The following PFAS variants were observed in gnomAD, a reference collection of about 807,000 sequenced individuals.
The protein encoded by PFAS is FGAM synthase.
A neutral mutation model predicts 140.6 loss-of-function variants in PFAS; 97 were observed. That is an observed-to-expected ratio of 0.69 (90% CI 0.59 to 0.82). The LOEUF (loss-of-function observed/expected upper bound fraction) is 0.82, where lower values mean the gene tolerates loss of function less well. Among genes scored for constraint, PFAS ranks in the 40% least tolerant of loss-of-function variants. PFAS has a pLI of 0.00. For missense variants in PFAS, 1,656 were observed against 1,780.2 expected (o/e 0.93, Z 1.26); for synonymous variants, 679 against 718.8 (o/e 0.94, Z 0.88).
Position 8,263,226 on chromosome 17 carries a change from C to T in PFAS, c.1528C>T (p.Pro510Ser), listed in dbSNP as rs1188281642. The T allele has an allele frequency of 2.5e-6, 4 of 1,613,994 alleles. No individual in the cohort carries two copies. The highest frequency in any genetic ancestry group is 3.4e-6 in the Non-Finnish European group (4 of 1,180,018). Reference sequence around the variant, plus strand: ...TTGTGTGGAGGCCCCCAAGGGAAACCCCATCTGCAGCCTTCATGATCAGGG... The same window carrying T: ...TTGTGTGGAGGCCCCCAAGGGAAACTCCATCTGCAGCCTTCATGATCAGGG... The part of the protein sequence containing the change: ...RACVEAPKGN[P>S]ICSLHDQGAG... Residue 510 changes from proline (P) to serine (S), a missense_variant, in exon 13 of 28, where the codon CCC (proline) becomes TCC (serine). Around this residue, in one of 2 missense-constraint regions of PFAS, gnomAD observed 773 missense variants for 757.3 expected, o/e 1.02. Transcript: ENST00000314666.
chr17:8,265,531 C>T (rs1473241488), intron 19 of PFAS, 25 bp from the exon 20 acceptor site: 12 of 1,613,466 alleles, frequency 7.4e-6, no homozygotes, highest in Non-Finnish European at 1.0e-5. Context: ...CAACTCATTC[C>T]TTTGGACTCC....
rs1989364288 is a variant in PFAS, at chr17:8,256,340, G to C, written c.754G>C (p.Glu252Gln). The C allele has an allele frequency of 1.9e-6, 3 of 1,614,066 alleles. No individual in the cohort carries two copies. The highest frequency in any genetic ancestry group is 2.5e-6 in the Non-Finnish European group (3 of 1,180,026). The change falls in exon 7 of 28, where the codon GAG becomes CAG. Residue 252 changes from glutamate (E) to glutamine (Q), a missense_variant. By Grantham distance (29) the Glu-to-Gln change is conservative. Around this residue, in one of 2 missense-constraint regions of PFAS, gnomAD observed 773 missense variants for 757.3 expected, o/e 1.02. Transcript: ENST00000314666. The part of the protein sequence containing the change: ...DGQKLVHSLF[E>Q]SIMSTQESSN... Reference sequence around the variant, plus strand: ...GCAGAAGCTGGTGCACTCACTGTTTGAGTCCATCATGAGCACCCAGGAATC... The same window carrying C: ...GCAGAAGCTGGTGCACTCACTGTTTCAGTCCATCATGAGCACCCAGGAATC...
intron 11 of PFAS, among the ~76,000 whole-genome samples, chr17:8,259,661 A>G (rs367738642): frequency 4.6e-5 from 7 of 152,036 alleles, no homozygotes; most frequent in Admixed American, 2.0e-4. Flanking sequence ...GGTGGTGTAC[A>G]CCTGTAGTCC....
rs1406035043 is a variant in PFAS at position 8,264,121 on chromosome 17, GGA to G, written c.1792-90_1792-89del. On this transcript the variant is annotated intron_variant, in intron 15 of 27. Coordinates refer to ENST00000314666, the MANE Select transcript of PFAS (RefSeq NM_012393.3). ...TCAATATGGAAACCAAACAAGGAGTGGAAAGCACATTTGTGCCCTGATTTCTA... is the reference window on the plus strand; with the variant it reads ...TCAATATGGAAACCAAACAAGGAGTGAAGCACATTTGTGCCCTGATTTCTA... 3 of 1,561,878 alleles carry G rather than the reference GGA, an allele frequency of 1.9e-6. No homozygotes were observed. The African/African-American group carries it at 4.1e-5, about 21-fold the overall frequency.
chr17:8,264,714 G>A lies in PFAS; in HGVS notation c.2049+113G>A, dbSNP rs371096045. 4.4e-4 allele frequency: 537 copies of A among 1,227,540 alleles called. 4 individuals carry two copies. The African/African-American group carries it at 6.4e-3, about 15-fold the overall frequency. The allele number at this position is 1,227,540 out of a possible 1,614,324, so 76.0% of individuals were successfully genotyped here. ...TTTTTGCCTGGCCCTGCAGGAAGCA[G>A]CAGGGGCAGGGCAGCCACCCTGATG... On this transcript the variant is annotated intron_variant, in intron 17 of 27. Coordinates refer to ENST00000314666, the MANE Select transcript of PFAS (RefSeq NM_012393.3).
intron 11 of PFAS, among the ~76,000 whole-genome samples, chr17:8,259,925 A>AC (rs1989523874): frequency 6.6e-6 from 1 of 152,254 alleles, no homozygotes; most frequent in East Asian, 1.9e-4. Flanking sequence ...ACATGGTGAA[A>AC]CCCCCTCTCT....
chr17:8,266,341 C>T lies in PFAS; in HGVS notation c.2809C>T (p.Pro937Ser). The change falls in exon 22 of 28, where the codon CCC becomes TCC. Residue 937 changes from proline (P) to serine (S), a missense_variant. Pro to Ser is a moderately conservative substitution (Grantham distance 74, BLOSUM62 -1). Coordinates refer to ENST00000314666, the MANE Select transcript of PFAS (RefSeq NM_012393.3). This position sits in a 1 kb window ranked among gnomAD's most constrained non-coding sequence, Gnocchi z 5.0. ...NCGLQVDVPV[P>S]RVDVLSVLFA... is the part of the protein sequence containing the mutation. ...CGGGCTACAGGTGGATGTGCCTGTCCCCAGGGTTGATGGTAAGGAACCTGG... is the reference window on the plus strand; with the variant it reads ...CGGGCTACAGGTGGATGTGCCTGTCTCCAGGGTTGATGGTAAGGAACCTGG... 1 of 1,614,038 alleles carries T rather than the reference C, an allele frequency of 6.2e-7. No homozygotes were observed. The highest frequency in any genetic ancestry group is 8.5e-7 in the Non-Finnish European group (1 of 1,179,988).
rs1358638407 is a variant in PFAS, at chr17:8,269,552, C to T, written c.*288C>T. ...AGGAAAAGTTAGGACTCCTGAGGTC[C>T]GAACAGGGGCTTCTGTTGCCCACTT... On this transcript the variant is annotated 3_prime_UTR_variant, in exon 28 of 28. Transcript: ENST00000314666. The T allele has an allele frequency of 2.5e-5, 9 of 366,620 alleles. No individual in the cohort carries two copies. Among genetic ancestry groups the T allele is most frequent in the Non-Finnish European group, 4.0e-5 (8 of 201,474 alleles). The allele number at this position is 366,620 out of a possible 1,614,324, so 22.7% of individuals were successfully genotyped here.
chr17:8,258,985 CA>C (rs570981517), intron 11 of PFAS, among the ~76,000 whole-genome samples: 13,923 of 88,466 alleles, frequency 0.16, 784 homozygotes, highest in African/African-American at 0.25. Context: ...GACTCCATCT[CA>C]AAAAAAAAAA....
Position 8,255,602 on chromosome 17 carries a change from C to G in PFAS, c.485C>G (p.Ser162Cys), listed in dbSNP as rs1429220525. ...TTCCCCCATCCCATCCAGAGTTTCT[C>G]CCCTGAGAGCATGCCGGAACCCCTC... is the stretch of plus-strand genomic sequence containing the variant. Reference protein sequence around the residue: ...QHFPHPIQSFSPESMPEPLNG... With the variant: ...QHFPHPIQSFCPESMPEPLNG... The change falls in exon 5 of 28, where the codon TCC becomes TGC. Residue 162 changes from serine (S) to cysteine (C), a missense_variant. Ser to Cys is a moderately radical substitution (Grantham distance 112, BLOSUM62 -1). Coordinates refer to ENST00000314666, the MANE Select transcript of PFAS (RefSeq NM_012393.3). 6.3e-7 allele frequency: 1 copy of G among 1,580,904 alleles called. No individual in the cohort carries two copies. The highest frequency in any genetic ancestry group is 1.2e-5 in the South Asian group (1 of 85,224).
In PFAS at chr17:8,264,967, G is replaced by A. The variant is rs539325508; in HGVS notation, c.2122G>A (p.Val708Ile). ...GCCCCTGCAAACTCCTCTGGCAGAT[G>A]TAGCGGTTGTGGCACTGAGCCATGA... ...VGPLQTPLAD[V>I]AVVALSHEEL... Residue 708 changes from valine (V) to isoleucine (I), a missense_variant, in exon 18 of 28, where the codon GTA becomes ATA. Around this residue, in one of 2 missense-constraint regions of PFAS, gnomAD observed 883 missense variants for 1,023.0 expected, o/e 0.86. Coordinates refer to ENST00000314666, the MANE Select transcript of PFAS (RefSeq NM_012393.3). 1.6e-4 allele frequency: 258 copies of A among 1,612,590 alleles called. 1 individual carries two copies. Among genetic ancestry groups the A allele is most frequent in the South Asian group, 1.1e-3 (99 of 90,924 alleles).
rs547312647 is a variant in PFAS, at chr17:8,255,026, G to C, written c.279-1G>C. On this transcript the variant is annotated splice_acceptor_variant, in intron 3 of 27. Coordinates refer to ENST00000314666, the MANE Select transcript of PFAS (RefSeq NM_012393.3). LOFTEE classifies it high-confidence loss of function. ...TCCTAACCATCAGGCCCATTGTTCAGGCTGAACTTCTCCACCCCAACATCC... is the reference window on the plus strand; with the variant it reads ...TCCTAACCATCAGGCCCATTGTTCACGCTGAACTTCTCCACCCCAACATCC... 2 of 1,612,334 alleles carry C rather than the reference G, an allele frequency of 1.2e-6. No individual in the cohort carries two copies. The highest frequency in any genetic ancestry group is 3.3e-5 in the Admixed American group (2 of 60,000).
chr17:8,265,624 C>A lies in PFAS; in HGVS notation c.2530C>A (p.His844Asn). ...ITATVTPDLK[H>N]PEGRGHLLYV... ...AGCCACTGTGACCCCAGACCTCAAG[C>A]ATCCTGAAGGGAGAGGTATGGACAT... Residue 844 changes from histidine to asparagine, a missense_variant, in exon 20 of 28, where the codon CAT becomes AAT. By Grantham distance (68) the His-to-Asn change is moderately conservative. Around this residue, in one of 2 missense-constraint regions of PFAS, gnomAD observed 883 missense variants for 1,023.0 expected, o/e 0.86. Transcript: ENST00000314666. 1 of 1,613,604 alleles carries A rather than the reference C, an allele frequency of 6.2e-7. No individual in the cohort carries two copies. Among genetic ancestry groups the A allele is most frequent in the Non-Finnish European group, 8.5e-7 (1 of 1,179,518 alleles).
rs568551015 is a variant in PFAS, at chr17:8,268,842, G to T, written c.3692G>T (p.Ser1231Ile). Residue 1231 changes from serine to isoleucine, a missense_variant, in exon 27 of 28, where the codon AGT becomes ATT. By Grantham distance (142) the Ser-to-Ile change is moderately radical. Transcript: ENST00000314666. Reference protein sequence around the residue: ...GMEGAVLPVWSAHGEGYVAFS... With the variant: ...GMEGAVLPVWIAHGEGYVAFS... ...GAGGGCGCCGTGCTGCCCGTGTGGAGTGCGCACGGGGAAGGTCAGGCCCAA... is the reference window on the plus strand; with the variant it reads ...GAGGGCGCCGTGCTGCCCGTGTGGATTGCGCACGGGGAAGGTCAGGCCCAA... 6.2e-7 allele frequency: 1 copy of T among 1,608,896 alleles called. No individual in the cohort carries two copies. Among genetic ancestry groups the T allele is most frequent in the African/African-American group, 1.3e-5 (1 of 75,038 alleles).
At chr17:8,265,241 C>T in intron 18 of PFAS, 47 bp from the exon 19 acceptor site, 1 of 1,594,096 alleles carries the variant, frequency 6.3e-7, no homozygotes, top group Non-Finnish European at 8.6e-7. Flanking sequence ...CCCCTGGCCT[C>T]TCCACATTTC....
chr17:8,261,043 T>C (rs1184526928), intron 11 of PFAS, among the ~76,000 whole-genome samples: 3 of 152,230 alleles, frequency 2.0e-5, no homozygotes, highest in Non-Finnish European at 4.4e-5. Flanking sequence ...CAAACTGTTT[T>C]CCAAAGCAGC....
In PFAS at chr17:8,268,524, C is replaced by T. The variant is rs775678834; in HGVS notation, c.3383-9C>T. 3 of 1,606,730 alleles carry T rather than the reference C, an allele frequency of 1.9e-6. No individual in the cohort carries two copies. The highest frequency in any genetic ancestry group is 2.2e-5 in the East Asian group (1 of 44,734). ...CATGTCTCACCCTGACTTCCCTATT[C>T]CCTGCTAGGGTGGGCAGCTGCTGTG... is the stretch of plus-strand genomic sequence containing the variant. On this transcript the variant is annotated splice_polypyrimidine_tract_variant and intron_variant, in intron 26 of 27. Transcript: ENST00000314666.
chr17:8,248,319 C>T (rs764823084), upstream of PFAS, among the ~76,000 whole-genome samples: 1 of 151,444 alleles, frequency 6.6e-6, no homozygotes, highest in South Asian at 2.1e-4. Flanking sequence ...CGGCTCACTG[C>T]AACCCCCGCC....
intron 11 of PFAS, among the ~76,000 whole-genome samples, chr17:8,261,449 G>A (rs1173206319): frequency 6.6e-6 from 1 of 151,840 alleles, no homozygotes; most frequent in African/African-American, 2.4e-5. Flanking sequence ...GTGTTGCCCA[G>A]GCTGGTCTCA....
Sources: allele counts gnomAD v4.1 joint callset (sites outside exome capture counted in the v4.1 genomes callset), GRCh38; gene constraint gnomAD v4.1.1; regional missense constraint gnomAD v4.1.1; non-coding constraint Gnocchi (gnomAD v3.1); transcripts MANE v1.5; gene names NCBI Gene and HGNC (gene_info 2026-07-23, HGNC 2026-07-21).